Variants in PALM2AKAP2 observed in about 807,000 individuals in gnomAD.
PALM2AKAP2 encodes PALM2 and AKAP2 fusion, also known as PALM2-AKAP2 fusion protein.
A neutral mutation model predicts 71.5 loss-of-function variants in PALM2AKAP2; 37 were observed. That is an observed-to-expected ratio of 0.52 (90% CI 0.40 to 0.68). The LOEUF is 0.68. PALM2AKAP2 is among the 30% of genes least tolerant of loss of function. The pLI is 0.00. For missense variants in PALM2AKAP2, 1,224 were observed against 1,191.8 expected, an observed-to-expected ratio of 1.03 and a Z score of -0.40; for synonymous variants, 468 against 478.8, an observed-to-expected ratio of 0.98 and a Z score of 0.29.
intron 1 of PALM2AKAP2, among the ~76,000 whole-genome samples, chr9:110,127,485 G>T (rs1835634682): frequency 6.6e-6 from 1 of 152,148 alleles, no homozygotes; most frequent in Non-Finnish European, 1.5e-5. Context: ...CTCTGCTCGG[G>T]GGATGGAAGA....
intron 6 of PALM2AKAP2, among the ~76,000 whole-genome samples, chr9:109,984,168 A>G (rs1264849375): frequency 6.6e-6 from 1 of 152,156 alleles, no homozygotes; most frequent in Non-Finnish European, 1.5e-5. Context: ...TAATAATACT[A>G]TTGGGGTAGC....
intron 7 of PALM2AKAP2, among the ~76,000 whole-genome samples, chr9:110,041,874 A>G (rs932988544): frequency 1.3e-5 from 2 of 152,184 alleles, no homozygotes; most frequent in Non-Finnish European, 2.9e-5. Context: ...TGTGCTCTGG[A>G]TCACCTAGAG....
chr9:109,941,476 A>G (rs1831365115), intron 6 of PALM2AKAP2, among the ~76,000 whole-genome samples: 1 of 152,188 alleles, frequency 6.6e-6, no homozygotes, highest in Non-Finnish European at 1.5e-5. Context: ...GTCAGGTGTG[A>G]TTCTCAGGCC....
chr9:109,751,360 A>T (rs2118711713), intron 1 of PALM2AKAP2, among the ~76,000 whole-genome samples: 1 of 152,246 alleles, frequency 6.6e-6, no homozygotes, highest in East Asian at 1.9e-4. Context: ...GTTTCTGTTG[A>T]TTTTACAGCT....
intron 1 of PALM2AKAP2, among the ~76,000 whole-genome samples, chr9:109,724,874 G>A (rs1465371320): frequency 2.0e-5 from 3 of 151,948 alleles, no homozygotes; most frequent in East Asian, 3.8e-4. Flanking sequence ...AGACAAATTT[G>A]ACTATATAAA....
At chr9:109,647,818 A>T (rs145486473) in intron 1 of PALM2AKAP2, among the ~76,000 whole-genome samples, 1 of 152,242 alleles carries the variant, frequency 6.6e-6, no homozygotes. Context: ...TTTAAAAGTG[A>T]TCAAGTGATT....
At chr9:109,970,613 G>A (rs1453841812) in intron 6 of PALM2AKAP2, among the ~76,000 whole-genome samples, 1 of 152,146 alleles carries the variant, frequency 6.6e-6, no homozygotes, top group Non-Finnish European at 1.5e-5. Flanking sequence ...CCTGCCTCTG[G>A]GGCAGGCTGC....
intron 1 of PALM2AKAP2, among the ~76,000 whole-genome samples, chr9:109,741,478 A>T (rs1828714915): frequency 6.6e-6 from 1 of 152,202 alleles, no homozygotes; most frequent in East Asian, 1.9e-4. Context: ...CATACCTAGG[A>T]TTGAAACTGC....
At chr9:109,991,279 C>G (rs1488365938) in intron 6 of PALM2AKAP2, among the ~76,000 whole-genome samples, 2 of 151,762 alleles carry the variant, frequency 1.3e-5, no homozygotes, top group African/African-American at 4.8e-5. Flanking sequence ...CTCTGTCACT[C>G]AGGCTGGAGT....
intron 1 of PALM2AKAP2, among the ~76,000 whole-genome samples, chr9:110,110,918 T>G (rs931693215): frequency 6.6e-6 from 1 of 152,100 alleles, no homozygotes; most frequent in African/African-American, 2.4e-5. Context: ...GAGTTAGATC[T>G]ATGAATCTAA....
chr9:109,743,337 G>A (rs2146084), intron 1 of PALM2AKAP2, among the ~76,000 whole-genome samples: 17,964 of 152,138 alleles, frequency 0.12, 1,361 homozygotes, highest in Admixed American at 0.18. Context: ...TTGAGTCAGC[G>A]TCTCAAAGAA....
chr9:109,952,636 T>C (rs1242545415), intron 6 of PALM2AKAP2, among the ~76,000 whole-genome samples: 2 of 152,264 alleles, frequency 1.3e-5, no homozygotes, highest in Non-Finnish European at 2.9e-5. Context: ...GTGCTCCCTA[T>C]GTACCTAAGC....
At chr9:110,079,664 A>G (rs1834399994) in intron 1 of PALM2AKAP2, among the ~76,000 whole-genome samples, 1 of 152,162 alleles carries the variant, frequency 6.6e-6, no homozygotes, top group African/African-American at 2.4e-5. Context: ...GTATCTGTCT[A>G]GAAGGCATAT....
chr9:109,843,003 G>T (rs915039752), intron 1 of PALM2AKAP2, among the ~76,000 whole-genome samples: 2 of 151,754 alleles, frequency 1.3e-5, no homozygotes, highest in African/African-American at 4.8e-5. Context: ...TGCCGGGCGT[G>T]GTGGCGCATG....
intron 1 of PALM2AKAP2, among the ~76,000 whole-genome samples, chr9:110,057,526 G>A (rs928371773): frequency 1.4e-4 from 22 of 151,950 alleles, no homozygotes; most frequent in East Asian, 7.8e-4. Context: ...CTACAGGCGC[G>A]TGCCACCACG....
At chr9:109,925,082 G>C (rs1347858688) in exon 5 of PALM2AKAP2, 1 of 1,614,016 alleles carries the variant, frequency 6.2e-7, no homozygotes, top group African/African-American at 1.3e-5. Context: ...TACGGATGGA[G>C]GTAAGTGCTC....
At chr9:109,728,317 G>A (rs1381404212) in intron 1 of PALM2AKAP2, among the ~76,000 whole-genome samples, 4 of 152,238 alleles carry the variant, frequency 2.6e-5, no homozygotes, top group African/African-American at 2.4e-5. Flanking sequence ...ATGCAGAGTG[G>A]TTTGGCAACT....
intron 1 of PALM2AKAP2, among the ~76,000 whole-genome samples, chr9:109,695,431 C>T (rs939152754): frequency 6.6e-6 from 1 of 152,140 alleles, no homozygotes; most frequent in African/African-American, 2.4e-5. Context: ...TATAAGCATG[C>T]TCCTTTCTCT....
chr9:109,853,486 A>G (rs1829075150), intron 1 of PALM2AKAP2, among the ~76,000 whole-genome samples: 1 of 152,182 alleles, frequency 6.6e-6, no homozygotes, highest in Non-Finnish European at 1.5e-5. Context: ...CTACAGCTTC[A>G]TTTGCAATGA....
Sources: allele counts gnomAD v4.1 joint callset (sites outside exome capture counted in the v4.1 genomes callset), GRCh38; gene constraint gnomAD v4.1.1; transcripts MANE v1.5; gene names NCBI Gene and HGNC (gene_info 2026-07-23, HGNC 2026-07-21).